The following KCNG2 variants were observed in gnomAD, a reference collection of about 807,000 sequenced individuals.
The protein encoded by KCNG2 is voltage-gated potassium channel regulatory subunit KCNG2.
In KCNG2, 7 loss-of-function variants were observed where a neutral mutation model predicts 12.3. The ratio of observed to expected loss-of-function variants is 0.57; its 90% CI spans 0.32 to 1.07. The LOEUF (loss-of-function observed/expected upper bound fraction) is 1.07, where lower values mean the gene tolerates loss of function less well. Among genes scored for constraint, KCNG2 ranks in the 50% least tolerant of loss-of-function variants. The pLI, the probability that KCNG2 is intolerant of heterozygous loss-of-function variation, is 0.04. For synonymous variants in KCNG2, 414 were observed against 351.4 expected (o/e 1.18, Z -1.99); for missense variants, 703 against 726.0 (o/e 0.97, Z 0.36).
At chr18:79,882,100 T>G (rs1347113026) in intron 3 of KCNG2, among the ~76,000 whole-genome samples, 1 of 152,196 alleles carries the variant, frequency 6.6e-6, no homozygotes, top group Non-Finnish European at 1.5e-5. Context: ...ACTATAAACT[T>G]GTAGAAGAAA....
intron 1 of KCNG2, among the ~76,000 whole-genome samples, chr18:79,825,247 C>T (rs1443493082): frequency 6.6e-6 from 1 of 152,206 alleles, no homozygotes; most frequent in Non-Finnish European, 1.5e-5. Context: ...GAGGACTGCA[C>T]AGTGTCTCCT....
At chr18:79,842,001 C>T (rs989933569) in intron 1 of KCNG2, among the ~76,000 whole-genome samples, 2 of 152,212 alleles carry the variant, frequency 1.3e-5, no homozygotes, top group African/African-American at 4.8e-5. Flanking sequence ...AGGTCCCTCC[C>T]CCTCCCCAGA....
chr18:79,821,867 T>C (rs919120172), intron 1 of KCNG2, among the ~76,000 whole-genome samples: 3 of 152,238 alleles, frequency 2.0e-5, no homozygotes, highest in Non-Finnish European at 4.4e-5. Context: ...GTGAGGCCTC[T>C]ATCATTGCCC....
chr18:79,880,738 GCACAGCACAT>G (rs1319435319), intron 3 of KCNG2, among the ~76,000 whole-genome samples: 1 of 152,174 alleles, frequency 6.6e-6, no homozygotes, highest in Non-Finnish European at 1.5e-5. Context: ...GACATAAAAA[GCACAGCACAT>G]CACGGCCAAC....
chr18:79,860,075 G>A (rs568937346), intron 2 of KCNG2, among the ~76,000 whole-genome samples: 2 of 152,204 alleles, frequency 1.3e-5, no homozygotes, highest in African/African-American at 2.4e-5. Context: ...AGCAAAGGGG[G>A]AGCAGGCACG....
intron 2 of KCNG2, among the ~76,000 whole-genome samples, chr18:79,860,585 T>C (rs1395592259): frequency 1.3e-5 from 2 of 152,252 alleles, no homozygotes; most frequent in African/African-American, 2.4e-5. Context: ...GATTATTCAT[T>C]GCTTTTGTAT....
chr18:79,843,709 AG>A (rs1388934349), intron 1 of KCNG2, among the ~76,000 whole-genome samples: 2 of 149,304 alleles, frequency 1.3e-5, no homozygotes, highest in African/African-American at 5.2e-5. Flanking sequence ...GTAACTAAAA[AG>A]AAAAAAATTG....
At chr18:79,824,302 A>G (rs956172842) in intron 1 of KCNG2, among the ~76,000 whole-genome samples, 21 of 152,360 alleles carry the variant, frequency 1.4e-4, no homozygotes, top group African/African-American at 5.0e-4. Context: ...TTGGCCATAA[A>G]TGGACTTTTC....
chr18:79,894,529 G>C (rs1397940242), intron 3 of KCNG2, among the ~76,000 whole-genome samples: 27 of 54,806 alleles, frequency 4.9e-4, no homozygotes, highest in East Asian at 1.1e-3. Context: ...TGATTGGGTT[G>C]TTCACTCCAT....
intron 1 of KCNG2, among the ~76,000 whole-genome samples, chr18:79,841,661 T>C (rs963575422): frequency 1.3e-5 from 2 of 152,222 alleles, no homozygotes; most frequent in Admixed American, 1.3e-4. Flanking sequence ...TCAGTGTCAC[T>C]AGCTATTAAG....
Position 79,899,927 on chromosome 18 carries a change from G to A in KCNG2, c.*111G>A, listed in dbSNP as rs1038685512. Reference sequence around the variant, plus strand: ...CTGGCCTGGGGGAGCGGCTCCTGCCGGCCGCGTCCTCGGCCCTCGTGCGTG... The same window carrying A: ...CTGGCCTGGGGGAGCGGCTCCTGCCAGCCGCGTCCTCGGCCCTCGTGCGTG... On this transcript the variant is annotated 3_prime_UTR_variant, in exon 4 of 4. Transcript: ENST00000316249. 7.6e-6 allele frequency: 8 copies of A among 1,046,642 alleles called. No homozygotes were observed. Among genetic ancestry groups the A allele is most frequent in the South Asian group, 3.5e-5 (1 of 28,754 alleles). 64.8% of individuals were successfully genotyped at this position (1,046,642 alleles called of 1,614,324 possible).
intron 1 of KCNG2, among the ~76,000 whole-genome samples, chr18:79,821,216 C>T (rs976503372): frequency 1.3e-5 from 2 of 151,812 alleles, no homozygotes; most frequent in Non-Finnish European, 2.9e-5. Context: ...GAAGATTTGA[C>T]CACATGTTTT....
chr18:79,815,386 G>T (rs1198903504), intron 1 of KCNG2, among the ~76,000 whole-genome samples: 1 of 147,988 alleles, frequency 6.8e-6, no homozygotes, highest in Admixed American at 6.8e-5. Context: ...GCTGCAGTGA[G>T]CCAAGATTGC....
intron 1 of KCNG2, among the ~76,000 whole-genome samples, chr18:79,809,347 A>G (rs376073564): frequency 7.5e-4 from 59 of 78,868 alleles, no homozygotes; most frequent in Admixed American, 9.3e-4. Context: ...CCGGGGACAC[A>G]CTGACCACAC....
intron 1 of KCNG2, among the ~76,000 whole-genome samples, chr18:79,814,853 G>A (rs2087517178): frequency 6.6e-6 from 1 of 151,718 alleles, no homozygotes; most frequent in African/African-American, 2.4e-5. Context: ...CCTGTGGGGA[G>A]CGGATTTGTT....
chr18:79,848,941 C>T (rs7236023), intron 1 of KCNG2, among the ~76,000 whole-genome samples: 1 of 152,120 alleles, frequency 6.6e-6, no homozygotes, highest in African/African-American at 2.4e-5. Context: ...GGGTTAATGA[C>T]CGCCTGGCGC....
chr18:79,845,648 C>T (rs1321728279), intron 1 of KCNG2, among the ~76,000 whole-genome samples: 1 of 152,190 alleles, frequency 6.6e-6, no homozygotes, highest in Non-Finnish European at 1.5e-5. Flanking sequence ...CAGTCAAAAA[C>T]ATGGCTAAAA....
In KCNG2 at chr18:79,817,186, TCA is replaced by T. The variant is rs553684981; in HGVS notation, c.-115+19177_-115+19178del. ...CATACAGCTGTCACACGGCTGCCAC[TCA>T]CACATCTGTCACATGGTTGTCACAC... On this transcript the variant is annotated intron_variant, in intron 1 of 3. Coordinates refer to ENST00000316249, the MANE Select transcript of KCNG2 (RefSeq NM_012283.2). Among the ~76,000 whole-genome samples the T allele has an allele frequency of 2.4e-4, 36 of 151,348 alleles. No homozygotes were observed. In the East Asian group the frequency reaches 6.0e-3, roughly 25 times the overall value.
chr18:79,881,270 C>T (rs1028922224), intron 3 of KCNG2, among the ~76,000 whole-genome samples: 1 of 152,010 alleles, frequency 6.6e-6, no homozygotes, highest in African/African-American at 2.4e-5. Flanking sequence ...TGTAGAAACA[C>T]GCCGTACGAT....
Sources: gnomAD v4.1 joint callset for allele counts (sites outside exome capture counted in the v4.1 genomes callset) on GRCh38, gnomAD v4.1.1 for gene constraint, MANE v1.5 for transcripts, NCBI Gene and HGNC (gene_info 2026-07-23, HGNC 2026-07-21) for gene names.